SLC24A2: variants seen among roughly 807,000 people sequenced by gnomAD.
The protein encoded by SLC24A2 is solute carrier family 24 member 2, also known as sodium/potassium/calcium exchanger 2.
In SLC24A2, 36 loss-of-function variants were observed where a neutral mutation model predicts 62.0. That is an observed-to-expected ratio of 0.58 (90% CI 0.44 to 0.77). The LOEUF (loss-of-function observed/expected upper bound fraction) is 0.77, where lower values mean the gene tolerates loss of function less well. Among genes scored for constraint, SLC24A2 ranks in the 30% least tolerant of loss-of-function variants. The pLI, the probability that SLC24A2 is intolerant of heterozygous loss-of-function variation, is 0.00. For synonymous variants in SLC24A2, 358 were observed against 294.0 expected (o/e 1.22, Z -2.23); for missense variants, 846 against 817.9 (o/e 1.03, Z -0.42).
intron 2 of SLC24A2, among the ~76,000 whole-genome samples, chr9:19,734,970 AC>A (rs1564071002): frequency 6.6e-6 from 1 of 152,084 alleles, no homozygotes; most frequent in Non-Finnish European, 1.5e-5. Context: ...CATGTCTAAA[AC>A]ACCAAAAGCA....
the SLC24A2 span, among the ~76,000 whole-genome samples, chr9:19,913,900 C>G: frequency 6.6e-3 from 995 of 151,396 alleles, 5 homozygotes; most frequent in Non-Finnish European, 0.011. Context: ...TTTTTGTTTT[C>G]CTGGGTAAGC....
the SLC24A2 span, among the ~76,000 whole-genome samples, chr9:19,972,506 T>A: frequency 6.6e-6 from 1 of 152,176 alleles, no homozygotes; most frequent in Non-Finnish European, 1.5e-5. Context: ...ACTTTTATCC[T>A]TAAAGATCAG....
the SLC24A2 span, among the ~76,000 whole-genome samples, chr9:20,000,482 A>G: frequency 6.6e-6 from 1 of 152,206 alleles, no homozygotes; most frequent in Non-Finnish European, 1.5e-5. Flanking sequence ...TATAAACTCT[A>G]TCTTCAAAAA....
chr9:19,978,387 C>T, the SLC24A2 span, among the ~76,000 whole-genome samples: 1 of 151,940 alleles, frequency 6.6e-6, no homozygotes, highest in African/African-American at 2.4e-5. Flanking sequence ...CTTTAGCCTG[C>T]TCCAAATGCC....
chr9:20,084,351 G>C, the SLC24A2 span, among the ~76,000 whole-genome samples: 1 of 152,146 alleles, frequency 6.6e-6, no homozygotes, highest in Non-Finnish European at 1.5e-5. Flanking sequence ...CCCCACTCCA[G>C]GTTCAACGAC....
chr9:19,661,665 T>C (rs1010112193), intron 2 of SLC24A2, among the ~76,000 whole-genome samples: 32 of 152,180 alleles, frequency 2.1e-4, no homozygotes, highest in Non-Finnish European at 2.8e-4. Flanking sequence ...GTGACAGGAA[T>C]AATCAATCCT....
the SLC24A2 span, among the ~76,000 whole-genome samples, chr9:20,248,823 C>T: frequency 0.52 from 79,775 of 152,102 alleles, 24,145 homozygotes; most frequent in East Asian, 0.81. Context: ...TTTACTTCTC[C>T]GGGGCACCCA....
At chr9:19,891,588 C>G in the SLC24A2 span, among the ~76,000 whole-genome samples, 341 of 152,114 alleles carry the variant, frequency 2.2e-3, 1 homozygote, top group African/African-American at 7.9e-3. Context: ...TTTTAAATTA[C>G]CAGCTCTCTG....
chr9:20,005,964 AG>A, the SLC24A2 span, among the ~76,000 whole-genome samples: 4 of 151,670 alleles, frequency 2.6e-5, no homozygotes, highest in African/African-American at 7.2e-5. Flanking sequence ...CCAGCATATC[AG>A]TACCTCCTTT....
the SLC24A2 span, among the ~76,000 whole-genome samples, chr9:20,035,663 A>G: frequency 6.6e-6 from 1 of 152,154 alleles, no homozygotes; most frequent in African/African-American, 2.4e-5. Context: ...CTGAGGCTGA[A>G]GTGGGAGGAT....
chr9:19,735,024 C>A (rs2118734987), intron 2 of SLC24A2, among the ~76,000 whole-genome samples: 1 of 152,106 alleles, frequency 6.6e-6, no homozygotes, highest in Middle Eastern at 3.4e-3. Flanking sequence ...TCTAATTAAA[C>A]TAAAGAGCTT....
chr9:19,958,998 T>C, the SLC24A2 span, among the ~76,000 whole-genome samples: 2 of 152,156 alleles, frequency 1.3e-5, no homozygotes, highest in Admixed American at 1.3e-4. Context: ...CCCCATCCCC[T>C]GCCAAAAAAA....
chr9:19,516,518 G>C (rs1832938248), intron 10 of SLC24A2, 116 bp from the exon 11 acceptor site: 1 of 1,303,686 alleles, frequency 7.7e-7, no homozygotes, highest in Middle Eastern at 2.6e-4. Flanking sequence ...AACTGAAAAG[G>C]GTGTCTTGTT....
At chr9:19,805,540 CG>C in the SLC24A2 span, among the ~76,000 whole-genome samples, 2 of 152,106 alleles carry the variant, frequency 1.3e-5, no homozygotes, top group Non-Finnish European at 2.9e-5. Context: ...AGGGCAAGTA[CG>C]TTGTCAATGT....
At chr9:20,245,046 C>T in the SLC24A2 span, among the ~76,000 whole-genome samples, 1 of 151,986 alleles carries the variant, frequency 6.6e-6, no homozygotes, top group African/African-American at 2.4e-5. Flanking sequence ...TTTTAGCGGA[C>T]ATGAGAATAT....
chr9:20,194,591 A>G, the SLC24A2 span, among the ~76,000 whole-genome samples: 1 of 152,186 alleles, frequency 6.6e-6, no homozygotes, highest in South Asian at 2.1e-4. Context: ...ATCAAATTGA[A>G]TATCAGGTAG....
chr9:20,151,059 T>C, the SLC24A2 span, among the ~76,000 whole-genome samples: 1 of 152,076 alleles, frequency 6.6e-6, no homozygotes, highest in South Asian at 2.1e-4. Flanking sequence ...TTCCATAAGC[T>C]ATGAAATGCT....
chr9:20,292,595 G>A, the SLC24A2 span, among the ~76,000 whole-genome samples: 2 of 152,074 alleles, frequency 1.3e-5, no homozygotes, highest in South Asian at 2.1e-4. Context: ...GTTGTCTTAC[G>A]GTTCTGTTTT....
chr9:20,014,155 C>G, the SLC24A2 span, among the ~76,000 whole-genome samples: 4 of 152,116 alleles, frequency 2.6e-5, no homozygotes, highest in Non-Finnish European at 4.4e-5. Context: ...CTGCAGTGAG[C>G]TATGATCATG....
Sources: allele counts gnomAD v4.1 joint callset (sites outside exome capture counted in the v4.1 genomes callset), GRCh38; gene constraint gnomAD v4.1.1; transcripts MANE v1.5; gene names NCBI Gene and HGNC (gene_info 2026-07-23, HGNC 2026-07-21).